The following CAMTA1 variants were observed in gnomAD, a reference collection of about 807,000 sequenced individuals.
CAMTA1 encodes calmodulin-binding transcription activator 1.
In CAMTA1, 27 loss-of-function variants were observed where a neutral mutation model predicts 170.9. The observed-to-expected ratio is 0.16, with a 90% CI of 0.12 to 0.22. The LOEUF is 0.22. Among genes scored for constraint, CAMTA1 ranks in the 10% least tolerant of loss-of-function variants. The pLI is 1.00. For synonymous variants in CAMTA1, 833 were observed against 891.5 expected, an observed-to-expected ratio of 0.93 and a Z score of 1.17; for missense variants, 1,619 against 2,217.2, an observed-to-expected ratio of 0.73 and a Z score of 5.42.
At chr1:7,253,172 G>T (rs1574220470) in intron 5 of CAMTA1, among the ~76,000 whole-genome samples, 1 of 152,216 alleles carries the variant, frequency 6.6e-6, no homozygotes, top group African/African-American at 2.4e-5. Flanking sequence ...ACCCCATACA[G>T]ATTTATGCCA....
intron 1 of CAMTA1, among the ~76,000 whole-genome samples, chr1:6,800,366 C>T (rs898398300): frequency 7.2e-5 from 11 of 151,982 alleles, no homozygotes; most frequent in East Asian, 3.9e-4. Flanking sequence ...ACGATCACGC[C>T]ACTGCACTCC....
chr1:6,785,766 C>T (rs1456416510), intron 1 of CAMTA1, among the ~76,000 whole-genome samples, 191 bp downstream of exon 1: 2 of 111,662 alleles, frequency 1.8e-5, no homozygotes, highest in Non-Finnish European at 3.6e-5. Flanking sequence ...TGAGGTGACT[C>T]GCGGGGCCGG....
chr1:7,262,647 T>C (rs892577921), intron 5 of CAMTA1, among the ~76,000 whole-genome samples: 1 of 152,206 alleles, frequency 6.6e-6, no homozygotes, highest in African/African-American at 2.4e-5. Flanking sequence ...CTGGTGGGGT[T>C]GCTCTGTTCT....
intron 3 of CAMTA1, among the ~76,000 whole-genome samples, chr1:6,863,950 G>A (rs2148921986): frequency 6.6e-6 from 1 of 152,258 alleles, no homozygotes; most frequent in East Asian, 1.9e-4. Context: ...GACCTTGACA[G>A]ACTAAGTATT....
chr1:7,307,228 A>G, intron 5 of CAMTA1, among the ~76,000 whole-genome samples: 1 of 151,970 alleles, frequency 6.6e-6, no homozygotes, highest in East Asian at 1.9e-4. Context: ...GCATTTTTTA[A>G]GAACTGGTTT....
At chr1:6,930,503 C>T (rs927790670) in intron 3 of CAMTA1, among the ~76,000 whole-genome samples, 19 of 152,188 alleles carry the variant, frequency 1.2e-4, no homozygotes, top group Admixed American at 1.0e-3. Context: ...TTTTCTCAGC[C>T]AACAGAAAGT....
At chr1:7,655,527 CACACAT>C (rs1342317148) in intron 7 of CAMTA1, among the ~76,000 whole-genome samples, 1 of 79,842 alleles carries the variant, frequency 1.3e-5, no homozygotes, top group African/African-American at 4.0e-5. Flanking sequence ...TACACACCCA[CACACAT>C]ACACACTGAT....
intron 3 of CAMTA1, among the ~76,000 whole-genome samples, chr1:6,846,065 T>C (rs897173466): frequency 4.6e-5 from 7 of 152,158 alleles, no homozygotes; most frequent in Non-Finnish European, 1.0e-4. Context: ...GAGAACAATA[T>C]GGGGGAAACA....
At chr1:7,751,159 C>T in intron 19 of CAMTA1, 40 bp from the exon 20 acceptor site, 2 of 1,511,586 alleles carry the variant, frequency 1.3e-6, no homozygotes, top group South Asian at 1.3e-5. Flanking sequence ...CCGTGCAGCC[C>T]CTGTTGTTAC....
chr1:7,212,382 TG>T (rs1658937550), intron 4 of CAMTA1, among the ~76,000 whole-genome samples: 1 of 152,202 alleles, frequency 6.6e-6, no homozygotes, highest in Non-Finnish European at 1.5e-5. Context: ...TCCCCACACA[TG>T]GGTAACCACT....
At position 7,285,486 on chromosome 1, in the gene CAMTA1, G is replaced by A. The variant is rs1054827385; in HGVS notation, c.438+35860G>A. ...GGCCTACGGATGATCAGTGGTTCTC[G>A]CCAAACTATCTGAAGGGAGTTCCCA... On this transcript the variant is annotated intron_variant, in intron 5 of 22. Transcript: ENST00000303635. Among the ~76,000 whole-genome samples, 5 of 152,242 alleles carry A rather than the reference G, an allele frequency of 3.3e-5. No homozygotes were observed. The East Asian group carries it at 7.7e-4, about 24-fold the overall frequency.
chr1:7,416,059 CT>C (rs1417656994), intron 5 of CAMTA1, among the ~76,000 whole-genome samples: 1 of 151,972 alleles, frequency 6.6e-6, no homozygotes, highest in African/African-American at 2.4e-5. Flanking sequence ...GTTGAAAATT[CT>C]TTTTTTTAAG....
chr1:7,344,986 C>T (rs972557755), intron 5 of CAMTA1, among the ~76,000 whole-genome samples: 3 of 152,008 alleles, frequency 2.0e-5, no homozygotes, highest in Non-Finnish European at 2.9e-5. Context: ...CTCCTGACCT[C>T]GTGATCCTCC....
intron 6 of CAMTA1, among the ~76,000 whole-genome samples, chr1:7,506,557 C>A (rs2094114247): frequency 6.6e-6 from 1 of 152,066 alleles, no homozygotes; most frequent in Non-Finnish European, 1.5e-5. Context: ...CACATGCTCA[C>A]AAGCTCACTC....
intron 5 of CAMTA1, among the ~76,000 whole-genome samples, chr1:7,379,103 A>C (rs2087076318): frequency 6.6e-6 from 1 of 152,188 alleles, no homozygotes; most frequent in African/African-American, 2.4e-5. Context: ...ATTTGCCTGC[A>C]GGTCTGGCAT....
At chr1:7,548,467 GAGTGGA>G (rs2094733928) in intron 6 of CAMTA1, among the ~76,000 whole-genome samples, 1 of 73,082 alleles carries the variant, frequency 1.4e-5, no homozygotes, top group South Asian at 4.1e-4. Context: ...GCCCCCTTAG[GAGTGGA>G]GGTGCTGGTG....
At chr1:7,220,825 C>G (rs954644041) in intron 4 of CAMTA1, among the ~76,000 whole-genome samples, 2 of 152,248 alleles carry the variant, frequency 1.3e-5, no homozygotes, top group Non-Finnish European at 2.9e-5. Context: ...TGGGTTTTAA[C>G]TTCCCACGAG....
intron 1 of CAMTA1, among the ~76,000 whole-genome samples, chr1:6,803,630 G>A (rs926201556): frequency 6.6e-6 from 1 of 152,218 alleles, no homozygotes; most frequent in Admixed American, 6.5e-5. Flanking sequence ...AGTATGTTCT[G>A]CTAAACAAAA....
chr1:6,832,307 G>T (rs1269332229), intron 3 of CAMTA1, among the ~76,000 whole-genome samples: 7 of 152,054 alleles, frequency 4.6e-5, no homozygotes, highest in Non-Finnish European at 8.8e-5. Flanking sequence ...AAACAACTGA[G>T]CTCAAGCAAT....
Sources: gnomAD v4.1 joint callset for allele counts (sites outside exome capture counted in the v4.1 genomes callset) on GRCh38, gnomAD v4.1.1 for gene constraint, MANE v1.5 for transcripts, NCBI Gene and HGNC (gene_info 2026-07-23, HGNC 2026-07-21) for gene names.